The following PEAK1 variants were observed in gnomAD, a reference collection of about 807,000 sequenced individuals.
The protein encoded by PEAK1 is pseudopodium enriched atypical kinase 1, also known as inactive tyrosine-protein kinase PEAK1.
In PEAK1, 54 loss-of-function variants were observed where a neutral mutation model predicts 124.7. The observed-to-expected ratio is 0.43, with a 90% confidence interval of 0.35 to 0.54. The LOEUF (loss-of-function observed/expected upper bound fraction) is 0.54. PEAK1 is among the 20% of genes least tolerant of loss of function. PEAK1 has a pLI of 0.01. For missense variants in PEAK1, 2,046 were observed against 2,134.5 expected (o/e 0.96, Z 0.82); for synonymous variants, 719 against 760.0 (o/e 0.95, Z 0.89).
chr15:77,195,568 TCTTGA>T (rs1204986906), intron 6 of PEAK1, among the ~76,000 whole-genome samples: 1 of 152,210 alleles, frequency 6.6e-6, no homozygotes, highest in Non-Finnish European at 1.5e-5. Context: ...TTTTCCCCTC[TCTTGA>T]CTTCTTTTGT....
At chr15:77,282,866 A>C (rs1481744700) in intron 5 of PEAK1, among the ~76,000 whole-genome samples, 1 of 152,134 alleles carries the variant, frequency 6.6e-6, no homozygotes, top group Non-Finnish European at 1.5e-5. Flanking sequence ...AAACCAAAAA[A>C]TTAATTACTA....
At chr15:77,377,380 T>C (rs1023448925) in intron 1 of PEAK1, among the ~76,000 whole-genome samples, 10 of 151,770 alleles carry the variant, frequency 6.6e-5, no homozygotes, top group African/African-American at 2.4e-4. Context: ...TGAGACTCTG[T>C]CTCAAAAAAT....
At position 77,181,599 on chromosome 15, in the gene PEAK1, C is replaced by T; in HGVS notation, c.328G>A (p.Ala110Thr). Residue 110 changes from alanine to threonine, a missense_variant, in exon 7 of 10, where the codon GCC becomes ACC. Ala to Thr is a moderately conservative substitution (Grantham distance 58). Coordinates refer to ENST00000682557, the MANE Select transcript of PEAK1 (RefSeq NM_001385026.1). ...VIIGWNRNRA[A>T]LSQKPLNNNN... ...TTGTTAAGTGGTTTCTGACTCAAGGCAGCTCTGTTTCGGTTCCACCCTATG... is the reference window on the plus strand; with the variant it reads ...TTGTTAAGTGGTTTCTGACTCAAGGTAGCTCTGTTTCGGTTCCACCCTATG... 2 of 1,614,156 alleles carry T rather than the reference C, an allele frequency of 1.2e-6. No homozygotes were observed. Among genetic ancestry groups the T allele is most frequent in the East Asian group, 2.2e-5 (1 of 44,884 alleles).
chr15:77,139,320 T>A (rs1333071405), intron 8 of PEAK1, among the ~76,000 whole-genome samples: 1 of 152,152 alleles, frequency 6.6e-6, no homozygotes, highest in Non-Finnish European at 1.5e-5. Context: ...TACAGTTTTT[T>A]AAAAAATAAG....
rs540726162 is a variant in PEAK1 at position 77,314,534 on chromosome 15, T to A, written c.-602-28030A>T. On this transcript the variant is annotated intron_variant, in intron 2 of 9. Coordinates refer to ENST00000682557, the MANE Select transcript of PEAK1 (RefSeq NM_001385026.1). ...ACAGGCACATACCACCACGCCCAGC[T>A]AATTTTTGTATTTTTAGTAGAGGCA... Among the ~76,000 whole-genome samples, 7 of 152,196 alleles carry A rather than the reference T, an allele frequency of 4.6e-5. 1 individual carries two copies. Among genetic ancestry groups the A allele is most frequent in the Non-Finnish European group, 1.0e-4 (7 of 68,006 alleles).
At chr15:77,372,331 T>A (rs1228884010) in intron 1 of PEAK1, among the ~76,000 whole-genome samples, 1 of 152,214 alleles carries the variant, frequency 6.6e-6, no homozygotes, top group Non-Finnish European at 1.5e-5. Context: ...GCAACAAGAA[T>A]CTGACAGGCC....
rs1567244747 is a variant in PEAK1 at position 77,313,682 on chromosome 15, G to GTATATATATA, written c.-602-27179_-602-27178insTATATATATA. Among the ~76,000 whole-genome samples the GTATATATATA allele has an allele frequency of 3.4e-5, 4 of 118,656 alleles. 1 individual carries two copies. Among genetic ancestry groups the GTATATATATA allele is most frequent in the African/African-American group, 1.6e-4 (4 of 25,092 alleles). The allele number at this position is 118,656 out of a possible 152,430, so 77.8% of individuals were successfully genotyped here. On this transcript the variant is annotated intron_variant, in intron 2 of 9. Transcript: ENST00000682557. ...TGTGTGTGTGTGTGTGTGTGTGTGT[G>GTATATATATA]TGTGTGTGTGTATATATATATATGT...
intron 1 of PEAK1, among the ~76,000 whole-genome samples, chr15:77,405,569 G>A (rs1300386961): frequency 6.6e-6 from 1 of 152,090 alleles, no homozygotes; most frequent in Non-Finnish European, 1.5e-5. Flanking sequence ...AAATTAGAGG[G>A]AAATCGTTGC....
intron 5 of PEAK1, among the ~76,000 whole-genome samples, chr15:77,266,849 G>T (rs1329515171): frequency 6.6e-6 from 1 of 152,092 alleles, no homozygotes; most frequent in Non-Finnish European, 1.5e-5. Flanking sequence ...GAAGGAGCTG[G>T]ATTGCTGCTG....
intron 1 of PEAK1, among the ~76,000 whole-genome samples, chr15:77,410,218 G>C (rs995252387): frequency 6.6e-6 from 1 of 151,954 alleles, no homozygotes; most frequent in Non-Finnish European, 1.5e-5. Context: ...CTCCTGAGTA[G>C]CTCCTCAGCC....
At position 77,255,342 on chromosome 15, in the gene PEAK1, C is replaced by T. The variant is rs1241446531; in HGVS notation, c.-274-2816G>A. 4 of 972,580 alleles carry T rather than the reference C, an allele frequency of 4.1e-6. No individual in the cohort carries two copies. The African/African-American group carries it at 7.0e-5, about 17-fold the overall frequency. 60.2% of individuals were successfully genotyped at this position (972,580 alleles called of 1,614,324 possible). On this transcript the variant is annotated intron_variant, in intron 5 of 9. Transcript: ENST00000682557. Reference sequence around the variant, plus strand: ...TAACAATGGAAATTCTGTTTGGGTTCTGACTCTCCATTTATTCCAAGCTTC... The same window carrying T: ...TAACAATGGAAATTCTGTTTGGGTTTTGACTCTCCATTTATTCCAAGCTTC...
chr15:77,154,059 T>C (rs1050698533), intron 8 of PEAK1, among the ~76,000 whole-genome samples: 3 of 152,198 alleles, frequency 2.0e-5, no homozygotes, highest in African/African-American at 7.2e-5. Context: ...TCTGTCTCGT[T>C]GATCTGTCTA....
intron 2 of PEAK1, among the ~76,000 whole-genome samples, chr15:77,309,166 T>C (rs1398943750): frequency 6.6e-6 from 1 of 152,084 alleles, no homozygotes; most frequent in African/African-American, 2.4e-5. Context: ...GTTTGTGCCA[T>C]TACCAAAGAT....
At chr15:77,188,386 T>G (rs2057656216) in intron 6 of PEAK1, among the ~76,000 whole-genome samples, 1 of 152,152 alleles carries the variant, frequency 6.6e-6, no homozygotes. Context: ...ACCGCTCAGT[T>G]CCAACTAATT....
chr15:77,341,603 C>T (rs1413025555), intron 2 of PEAK1, among the ~76,000 whole-genome samples: 1 of 152,122 alleles, frequency 6.6e-6, no homozygotes, highest in Non-Finnish European at 1.5e-5. Flanking sequence ...CACGACTGGA[C>T]TCAAACCCTC....
intron 1 of PEAK1, among the ~76,000 whole-genome samples, chr15:77,400,842 T>C (rs1484619991): frequency 6.6e-6 from 1 of 152,154 alleles, no homozygotes; most frequent in Admixed American, 6.5e-5. Flanking sequence ...GAAGGAAGAT[T>C]TGTCTTGTTT....
intron 7 of PEAK1, among the ~76,000 whole-genome samples, chr15:77,175,243 T>C (rs1215489093): frequency 6.6e-6 from 1 of 152,002 alleles, no homozygotes; most frequent in Non-Finnish European, 1.5e-5. Context: ...AAAGCCAAAA[T>C]TGACAAATGG....
intron 2 of PEAK1, among the ~76,000 whole-genome samples, chr15:77,364,787 T>G (rs770954106): frequency 6.6e-6 from 1 of 152,226 alleles, no homozygotes; most frequent in African/African-American, 2.4e-5. Flanking sequence ...AAGCTCTTAA[T>G]AATGGCCCAT....
At chr15:77,165,946 T>G (rs1356347366) in intron 7 of PEAK1, among the ~76,000 whole-genome samples, 1 of 152,176 alleles carries the variant, frequency 6.6e-6, no homozygotes, top group African/African-American at 2.4e-5. Context: ...CACCACACTG[T>G]TAAGATAAGG....
Sources: gnomAD v4.1 joint callset for allele counts (sites outside exome capture counted in the v4.1 genomes callset) on GRCh38, gnomAD v4.1.1 for gene constraint, MANE v1.5 for transcripts, NCBI Gene and HGNC (gene_info 2026-07-23, HGNC 2026-07-21) for gene names.